AGMO: variants seen among roughly 807,000 people sequenced by gnomAD.
The protein encoded by AGMO is alkylglycerol monooxygenase.
AGMO carries 75 observed loss-of-function variants against 60.2 expected under a neutral mutation model. The ratio of observed to expected loss-of-function variants is 1.25; its 90% CI spans 1.03 to 1.51. AGMO has a LOEUF of 1.51. Ranked by LOEUF, AGMO falls within the 40% of genes most tolerant of loss-of-function variation. The pLI, the probability that AGMO is intolerant of heterozygous loss-of-function variation, is 0.00. For synonymous variants in AGMO, 261 were observed against 177.1 expected (o/e 1.47, Z -3.76); for missense variants, 763 against 525.5 (o/e 1.45, Z -4.42).
rs752599004 is a variant in AGMO at position 15,390,892 on chromosome 7, A to T, written c.690T>A (p.Tyr230Ter). ...CACCAGCATAATTTTTGTCTATGCA[A>T]TAACGATTTCTGCCTATGAGACAAA... ...HHRVHHGRNR[Y>*]CIDKNYAGVL... is the part of the protein sequence containing the mutation. Residue 230 changes from tyrosine to a stop codon, truncating the protein, a stop_gained, in exon 7 of 13, where the codon TAT becomes TAA. Coordinates refer to ENST00000342526, the MANE Select transcript of AGMO (RefSeq NM_001004320.2). LOFTEE classifies it high-confidence loss of function. 6 of 1,601,166 alleles carry T rather than the reference A, an allele frequency of 3.7e-6. No homozygotes were observed. Among genetic ancestry groups the T allele is most frequent in the Non-Finnish European group, 5.1e-6 (6 of 1,172,978 alleles).
At chr7:15,195,748 C>T (rs1371389275), downstream of AGMO, among the ~76,000 whole-genome samples, 4 of 152,174 alleles carry the variant, frequency 2.6e-5, no homozygotes. Flanking sequence ...GATTTAGGAG[C>T]TGCTTTTCTT....
intron 3 of AGMO, among the ~76,000 whole-genome samples, chr7:15,472,241 G>A (rs1413782595): frequency 3.3e-5 from 5 of 151,834 alleles, no homozygotes; most frequent in African/African-American, 9.7e-5. Context: ...AATAATCACA[G>A]TGTCATAAAG....
At chr7:15,534,915 T>C (rs988433872) in intron 3 of AGMO, among the ~76,000 whole-genome samples, 6 of 151,878 alleles carry the variant, frequency 4.0e-5, no homozygotes, top group African/African-American at 1.4e-4. Flanking sequence ...GCATTATATA[T>C]AATACATTAC....
At chr7:15,407,420 G>C (rs1784736632) in intron 5 of AGMO, among the ~76,000 whole-genome samples, 1 of 151,448 alleles carries the variant, frequency 6.6e-6, no homozygotes, top group Non-Finnish European at 1.5e-5. Context: ...TGGGCTTCAA[G>C]AGAGAACAAG....
At chr7:15,132,786 C>T in the AGMO span, among the ~76,000 whole-genome samples, 3 of 152,176 alleles carry the variant, frequency 2.0e-5, no homozygotes, top group South Asian at 2.1e-4. Context: ...ATGACAAAGA[C>T]AATGTGAAGT....
Position 15,459,419 on chromosome 7 carries a change from C to G in AGMO, c.410-28311G>C, listed in dbSNP as rs78447572. ...GGCCTTTTTGCAAGGCCTCAGGATGCTGAGAGGGAGGGAAGAGTGGTTATG... is the reference window on the plus strand; with the variant it reads ...GGCCTTTTTGCAAGGCCTCAGGATGGTGAGAGGGAGGGAAGAGTGGTTATG... On this transcript the variant is annotated intron_variant, in intron 3 of 12. Transcript: ENST00000342526. Among the ~76,000 whole-genome samples, 94 of 152,232 alleles carry G rather than the reference C, an allele frequency of 6.2e-4. No individual in the cohort carries two copies. The East Asian group carries it at 8.1e-3, about 13-fold the overall frequency.
rs115154340 is a variant in AGMO at position 15,236,673 on chromosome 7, T to G, written c.1264-35314A>C. 7.4e-3 allele frequency among the ~76,000 whole-genome samples: 1,128 copies of G among 152,250 alleles called. 11 individuals carry two copies. The highest frequency in any genetic ancestry group is 0.026 in the African/African-American group (1,067 of 41,578). The stretch of plus-strand genomic sequence containing the variant: ...TCAACTGAAAGATGAGTAAGATATA[T>G]GTTGAGGATATATGATTTAAAGATG... On this transcript the variant is annotated intron_variant, in intron 12 of 12. Transcript: ENST00000342526.
the AGMO span, among the ~76,000 whole-genome samples, chr7:15,176,144 A>G: frequency 6.6e-6 from 1 of 152,020 alleles, no homozygotes; most frequent in African/African-American, 2.4e-5. Flanking sequence ...CAAGATTTAT[A>G]CTTAATTTAT....
intron 12 of AGMO, among the ~76,000 whole-genome samples, chr7:15,352,259 G>A (rs1782268269): frequency 6.6e-6 from 1 of 152,058 alleles, no homozygotes; most frequent in African/African-American, 2.4e-5. Context: ...AGGCATATAA[G>A]ATGGCCTCCC....
intron 12 of AGMO, among the ~76,000 whole-genome samples, chr7:15,203,788 A>G (rs1209115601): frequency 6.6e-6 from 1 of 152,186 alleles, no homozygotes; most frequent in African/African-American, 2.4e-5. Flanking sequence ...TATCAGAGCT[A>G]GAATAAAGTT....
At chr7:15,488,397 C>T (rs912248058) in intron 3 of AGMO, among the ~76,000 whole-genome samples, 1 of 152,126 alleles carries the variant, frequency 6.6e-6, no homozygotes, top group South Asian at 2.1e-4. Flanking sequence ...CAGAGAAACA[C>T]ACTAAAGCAC....
At chr7:15,435,697 T>G (rs962724921) in intron 3 of AGMO, among the ~76,000 whole-genome samples, 4 of 152,174 alleles carry the variant, frequency 2.6e-5, no homozygotes, top group Admixed American at 2.0e-4. Flanking sequence ...AGAACAAAAG[T>G]TTTAATTTTC....
chr7:15,461,418 C>T (rs1782138950), intron 3 of AGMO, among the ~76,000 whole-genome samples: 1 of 151,618 alleles, frequency 6.6e-6, no homozygotes, highest in Non-Finnish European at 1.5e-5. Context: ...TTGTTAGCAC[C>T]TCTGGATAGT....
chr7:15,461,680 C>G (rs1435772808), intron 3 of AGMO, among the ~76,000 whole-genome samples: 2 of 151,986 alleles, frequency 1.3e-5, no homozygotes, highest in Non-Finnish European at 2.9e-5. Flanking sequence ...TCTGGGAGAT[C>G]AGAAGGAAAG....
At chr7:15,382,495 G>A (rs559992612) in intron 10 of AGMO, among the ~76,000 whole-genome samples, 13 of 152,184 alleles carry the variant, frequency 8.5e-5, no homozygotes, top group Middle Eastern at 3.4e-3. Context: ...AAGGAAGTTC[G>A]CTCAGAAGAA....
the AGMO span, among the ~76,000 whole-genome samples, chr7:15,164,834 A>G: frequency 6.6e-6 from 1 of 152,170 alleles, no homozygotes; most frequent in Admixed American, 6.6e-5. Flanking sequence ...AGCAGTATGT[A>G]AATTTCTTAA....
In AGMO at chr7:15,544,922, G is replaced by T. The variant is rs1395037249; in HGVS notation, c.259C>A (p.Leu87Ile). The change falls in exon 3 of 13, where the codon CTA (leucine) becomes ATA (isoleucine). Residue 87 changes from leucine to isoleucine, a missense_variant and splice_region_variant. Transcript: ENST00000342526. ...GTCAGTTCAATGCTCCTGAAAAATA[G>T]ACTGGAAGATAAAATTCACAATCAG... ...SAGVLSRLPS[L>I]FFRSIELTSY... 16 of 1,514,042 alleles carry T rather than the reference G, an allele frequency of 1.1e-5. No individual in the cohort carries two copies. Among genetic ancestry groups the T allele is most frequent in the African/African-American group, 1.4e-5 (1 of 71,256 alleles). The allele number at this position is 1,514,042 out of a possible 1,614,324, so 93.8% of individuals were successfully genotyped here.
chr7:15,550,071 A>C (rs1002499869), intron 2 of AGMO, among the ~76,000 whole-genome samples: 1 of 152,096 alleles, frequency 6.6e-6, no homozygotes, highest in Non-Finnish European at 1.5e-5. Flanking sequence ...TGACTACTGG[A>C]TACATAACGA....
chr7:15,184,527 G>A, the AGMO span, among the ~76,000 whole-genome samples: 1 of 131,960 alleles, frequency 7.6e-6, no homozygotes, highest in Non-Finnish European at 1.6e-5. Flanking sequence ...GGGAGGGAGG[G>A]AAGGAAGGGA....
Sources: allele counts gnomAD v4.1 joint callset (sites outside exome capture counted in the v4.1 genomes callset), GRCh38; gene constraint gnomAD v4.1.1; transcripts MANE v1.5; gene names NCBI Gene and HGNC (gene_info 2026-07-23, HGNC 2026-07-21).